Variants in ADRA1A observed in about 807,000 individuals in gnomAD.
ADRA1A encodes the protein adrenoceptor alpha 1A, also known as alpha-1A adrenergic receptor.
A neutral mutation model predicts 29.6 loss-of-function variants in ADRA1A; 31 were observed. The observed-to-expected ratio is 1.05, with a 90% CI of 0.79 to 1.41. ADRA1A has a LOEUF of 1.41. Among genes scored for constraint, ADRA1A ranks in the 40% most tolerant of loss-of-function variants. The pLI, the probability that ADRA1A is intolerant of heterozygous loss-of-function variation, is 0.00. For synonymous variants in ADRA1A, 311 were observed against 254.3 expected (o/e 1.22, Z -2.12); for missense variants, 619 against 601.1 (o/e 1.03, Z -0.31).
Position 26,864,600 on chromosome 8 carries a change from G to T in ADRA1A, c.370C>A (p.Arg124Ser), listed in dbSNP as rs747122943. The change falls in exon 2 of 3, where the codon CGC becomes AGC. Residue 124 changes from arginine (R) to serine (S), a missense_variant. Coordinates refer to ENST00000380573, the MANE Select transcript of ADRA1A (RefSeq NM_000680.4). This position sits in a 1 kb window ranked among gnomAD's most constrained non-coding sequence, Gnocchi z 8.1. ...IMGLCIISID[R>S]YIGVSYPLRY... ...AGCGGGTAGCTCACGCCGATGTAGC[G>T]GTCGATGGAGATGATGCAGAGGCCC... is the stretch of plus-strand genomic sequence containing the variant. 5 of 1,614,114 alleles carry T rather than the reference G, an allele frequency of 3.1e-6. No homozygotes were observed. In the South Asian group the frequency reaches 4.4e-5, roughly 14 times the overall value.
rs896361758 is a variant in ADRA1A, at chr8:26,866,290, A to T, written c.-686-635T>A. ...GGGACCCGAAGACAGAAAGCGACCCAGGTCTGTCCACGACGCCTTTCCAAG... is the reference window on the plus strand; with the variant it reads ...GGGACCCGAAGACAGAAAGCGACCCTGGTCTGTCCACGACGCCTTTCCAAG... On this transcript the variant is annotated intron_variant, in intron 1 of 2. Transcript: ENST00000380573. The surrounding 1 kb of genome is among the most constrained non-coding windows in gnomAD (Gnocchi z 5.7). 6.6e-6 allele frequency among the ~76,000 whole-genome samples: 1 copy of T among 152,180 alleles called. No homozygotes were observed. The highest frequency in any genetic ancestry group is 2.4e-5 in the African/African-American group (1 of 41,454).
At chr8:26,837,508 A>G (rs1002803327) in intron 2 of ADRA1A, among the ~76,000 whole-genome samples, 1 of 152,066 alleles carries the variant, frequency 6.6e-6, no homozygotes, top group Non-Finnish European at 1.5e-5. Context: ...AAAATTAGCC[A>G]GGTATGGTGG....
chr8:26,844,201 T>G (rs553081575), intron 2 of ADRA1A, among the ~76,000 whole-genome samples: 4 of 152,292 alleles, frequency 2.6e-5, no homozygotes, highest in Admixed American at 6.5e-5. Flanking sequence ...CAACACAACG[T>G]GTAAAATATA....
At chr8:26,759,173 T>C (rs1447201275) in intron 2 of ADRA1A, among the ~76,000 whole-genome samples, 1 of 152,224 alleles carries the variant, frequency 6.6e-6, no homozygotes, top group Non-Finnish European at 1.5e-5. Context: ...AGAAAGCATG[T>C]GTTTTTGATT....
chr8:26,761,493 A>G (rs564153635), downstream of ADRA1A, among the ~76,000 whole-genome samples: 4 of 152,346 alleles, frequency 2.6e-5, no homozygotes, highest in Admixed American at 6.5e-5. Flanking sequence ...CCCAAATCCA[A>G]TAAAACCGGT....
At chr8:26,820,153 AC>A (rs1231598588) in intron 2 of ADRA1A, among the ~76,000 whole-genome samples, 1 of 152,244 alleles carries the variant, frequency 6.6e-6, no homozygotes, top group East Asian at 1.9e-4. Flanking sequence ...ATAGTAGTGA[AC>A]TTCAGTACCC....
chr8:26,850,025 CAAAAACA>C (rs1554511720), intron 2 of ADRA1A, among the ~76,000 whole-genome samples: 1 of 121,558 alleles, frequency 8.2e-6, no homozygotes, highest in African/African-American at 3.2e-5. Flanking sequence ...GAGAGAAATG[CAAAAACA>C]AAAAACAAAA....
intron 2 of ADRA1A, among the ~76,000 whole-genome samples, chr8:26,839,157 A>ATTT (rs11352512): frequency 8.3e-6 from 1 of 119,932 alleles, no homozygotes. Flanking sequence ...TCTGTGAAGA[A>ATTT]TTTTTTTTTT....
chr8:26,865,800 G>A lies in ADRA1A; in HGVS notation c.-686-145C>T. On this transcript the variant is annotated intron_variant, in intron 1 of 2. Transcript: ENST00000380573. The surrounding 1 kb of genome is among the most constrained non-coding windows in gnomAD (Gnocchi z 7.6). ...GCTGCTTCGCCCGGCAGCGGTGGAG[G>A]CGACTTCGGAGCTCATCTCGCGCCC... The A allele has an allele frequency of 1.3e-6, 1 of 780,216 alleles. No individual in the cohort carries two copies. The highest frequency in any genetic ancestry group is 1.6e-6 in the Non-Finnish European group (1 of 642,974). 48.3% of individuals were successfully genotyped at this position (780,216 alleles called of 1,614,324 possible).
rs763135595 is a variant in ADRA1A, at chr8:26,864,245, G to C, written c.725C>G (p.Pro242Arg). The C allele has an allele frequency of 6.2e-7, 1 of 1,614,170 alleles. No homozygotes were observed. Among genetic ancestry groups the C allele is most frequent in the East Asian group, 2.2e-5 (1 of 44,878 alleles). ...GCTGGCCATCCCGCTGCCTCCTGCC[G>C]GGGCGTTTTTCCGATGGATGCGGAG... is the stretch of plus-strand genomic sequence containing the variant. The part of the protein sequence containing the change: ...VTLRIHRKNA[P>R]AGGSGMASAK... Residue 242 changes from proline (P) to arginine (R), a missense_variant, in exon 2 of 3, where the codon CCG (proline) becomes CGG (arginine). Physicochemically the swap from Pro to Arg is moderately radical, Grantham distance 103. Coordinates refer to ENST00000380573, the MANE Select transcript of ADRA1A (RefSeq NM_000680.4). This position sits in a 1 kb window ranked among gnomAD's most constrained non-coding sequence, Gnocchi z 8.1.
rs906772434 is a variant in ADRA1A, at chr8:26,823,963, C to T, written c.883+40124G>A. 1.3e-5 allele frequency among the ~76,000 whole-genome samples: 2 copies of T among 152,098 alleles called. No homozygotes were observed. The highest frequency in any genetic ancestry group is 2.9e-5 in the Non-Finnish European group (2 of 68,026). On this transcript the variant is annotated intron_variant, in intron 2 of 2. Transcript: ENST00000380573. This position sits in a 1 kb window ranked among gnomAD's most constrained non-coding sequence, Gnocchi z 4.2. Reference sequence around the variant, plus strand: ...TGGGCTCATTTAGAAGAAAGTATTGCCCTGGGCTGGAAAATGGAGTGCCCA... The same window carrying T: ...TGGGCTCATTTAGAAGAAAGTATTGTCCTGGGCTGGAAAATGGAGTGCCCA...
intron 2 of ADRA1A, among the ~76,000 whole-genome samples, chr8:26,800,989 G>C (rs1808535155): frequency 6.6e-6 from 1 of 152,092 alleles, no homozygotes; most frequent in African/African-American, 2.4e-5. Flanking sequence ...ATATCAATCA[G>C]TGTGATACAG....
chr8:26,819,342 A>C (rs865929530), intron 2 of ADRA1A, among the ~76,000 whole-genome samples: 27 of 151,478 alleles, frequency 1.8e-4, no homozygotes, highest in Admixed American at 1.2e-3. Context: ...ACTAATAAGT[A>C]ATTTAAAATC....
chr8:26,793,375 T>C (rs1190408216), intron 2 of ADRA1A, among the ~76,000 whole-genome samples: 2 of 151,958 alleles, frequency 1.3e-5, no homozygotes, highest in African/African-American at 2.4e-5. Flanking sequence ...AAAGTTATTC[T>C]CCTCTGTGAA....
chr8:26,859,139 C>A, intron 2 of ADRA1A: 3 of 1,290,062 alleles, frequency 2.3e-6, no homozygotes, highest in Middle Eastern at 2.1e-4. Context: ...TTTCCTCTCC[C>A]GCAGCCTAGT....
intron 2 of ADRA1A, among the ~76,000 whole-genome samples, chr8:26,760,278 C>T (rs1487529140): frequency 1.3e-5 from 2 of 152,150 alleles, no homozygotes; most frequent in Admixed American, 1.3e-4. Context: ...GTGTGCAGGC[C>T]AGGATGCCCT....
At chr8:26,779,453 C>G (rs61760541) in intron 2 of ADRA1A, 7 of 699,484 alleles carry the variant, frequency 1.0e-5, no homozygotes, top group African/African-American at 1.8e-5. Flanking sequence ...AGACTTAGAA[C>G]AGTAATTGAT....
intron 2 of ADRA1A, among the ~76,000 whole-genome samples, chr8:26,820,392 T>G (rs916573161): frequency 2.0e-5 from 3 of 152,196 alleles, no homozygotes; most frequent in Admixed American, 6.5e-5. Flanking sequence ...ATCAAGTCAT[T>G]TTTTGACCAC....
At chr8:26,762,595 G>A (rs1805566193), downstream of ADRA1A, among the ~76,000 whole-genome samples, 1 of 152,188 alleles carries the variant, frequency 6.6e-6, no homozygotes, top group East Asian at 1.9e-4. The surrounding 1 kb of genome is among the most constrained non-coding windows in gnomAD (Gnocchi z 4.0). Context: ...TAATGGAGAG[G>A]ATGGGATCAA....
Sources: allele counts gnomAD v4.1 joint callset (sites outside exome capture counted in the v4.1 genomes callset), GRCh38; gene constraint gnomAD v4.1.1; non-coding constraint Gnocchi (gnomAD v3.1); transcripts MANE v1.5; gene names NCBI Gene and HGNC (gene_info 2026-07-23, HGNC 2026-07-21).